Variants in SLAIN1 observed in about 807,000 individuals in gnomAD.
SLAIN1 encodes the protein SLAIN motif-containing protein 1.
In SLAIN1, 17 loss-of-function variants were observed where a neutral mutation model predicts 55.4. The ratio of observed to expected loss-of-function variants is 0.31; its 90% CI spans 0.21 to 0.46. The LOEUF (loss-of-function observed/expected upper bound fraction) is 0.46, where lower values mean the gene tolerates loss of function less well. SLAIN1 is among the 20% of genes least tolerant of loss of function. The pLI, the probability that SLAIN1 is intolerant of heterozygous loss-of-function variation, is 1.00. For synonymous variants in SLAIN1, 348 were observed against 337.4 expected, an observed-to-expected ratio of 1.03 and a Z score of -0.35; for missense variants, 682 against 785.1, an observed-to-expected ratio of 0.87 and a Z score of 1.57.
chr13:77,760,045 G>T (rs573457993), intron 5 of SLAIN1, among the ~76,000 whole-genome samples: 1 of 152,190 alleles, frequency 6.6e-6, no homozygotes, highest in Non-Finnish European at 1.5e-5. Flanking sequence ...AGAAAACAGG[G>T]TATGTCCATG....
chr13:77,709,475 G>A (rs1278101637), intron 1 of SLAIN1, among the ~76,000 whole-genome samples: 1 of 152,122 alleles, frequency 6.6e-6, no homozygotes, highest in Admixed American at 6.5e-5. Flanking sequence ...TCACCAAGGT[G>A]GAAATGAAGG....
At position 77,744,417 on chromosome 13, in the gene SLAIN1, C is replaced by T. The variant is rs767977635; in HGVS notation, c.901C>T (p.Arg301Cys). 1.2e-6 allele frequency: 2 copies of T among 1,611,894 alleles called. No homozygotes were observed. The highest frequency in any genetic ancestry group is 1.7e-6 in the Non-Finnish European group (2 of 1,179,184). ...CCTCACTGATGTTCAGATCATGGCT[C>T]GTCTGCAAGAAGAAAGTATGTGTTC... ...QDLTDVQIMARLQEESLRQDY... is the reference protein window; with the variant it reads ...QDLTDVQIMACLQEESLRQDY... Residue 301 changes from arginine (R) to cysteine (C), a missense_variant, in exon 3 of 7, where the codon CGT becomes TGT. Arg to Cys is a radical substitution (Grantham distance 180, BLOSUM62 -3). This residue lies in a region of SLAIN1 where 37 missense variants were observed against 72.6 expected (regional missense o/e 0.51). Transcript: ENST00000418532.
intron 2 of SLAIN1, among the ~76,000 whole-genome samples, chr13:77,720,556 T>C (rs2091252271): frequency 6.6e-6 from 1 of 152,198 alleles, no homozygotes; most frequent in Non-Finnish European, 1.5e-5. Context: ...GACAAAGCAT[T>C]ATAGATAATG....
At chr13:77,709,099 C>T (rs367757407) in intron 1 of SLAIN1, among the ~76,000 whole-genome samples, 1 of 151,644 alleles carries the variant, frequency 6.6e-6, no homozygotes, top group African/African-American at 2.4e-5. Flanking sequence ...AAACACAGCA[C>T]GAGAACTTCA....
rs1385472273 is a variant in SLAIN1, at chr13:77,697,886, G to A, written c.-28G>A. Reference sequence around the variant, plus strand: ...GCCGGCGCGGCGGCGCGCACTCCCCGGCGGCCGCGGCGCCCTCGGGGCCCA... The same window carrying A: ...GCCGGCGCGGCGGCGCGCACTCCCCAGCGGCCGCGGCGCCCTCGGGGCCCA... On this transcript the variant is annotated 5_prime_UTR_variant, in exon 1 of 7. Coordinates refer to ENST00000418532, the MANE Select transcript of SLAIN1 (RefSeq NM_001242868.2). The A allele has an allele frequency of 3.0e-6, 4 of 1,320,640 alleles. No homozygotes were observed. The East Asian group carries it at 1.1e-4, about 36-fold the overall frequency. The allele number at this position is 1,320,640 out of a possible 1,614,324, so 81.8% of individuals were successfully genotyped here. A position where few individuals can be genotyped will look rare whatever the true frequency, so the allele number is the denominator to read the frequency against.
At chr13:77,749,355 A>G (rs560060768) in intron 4 of SLAIN1, among the ~76,000 whole-genome samples, 41 of 152,132 alleles carry the variant, frequency 2.7e-4, no homozygotes, top group Non-Finnish European at 4.1e-4. Flanking sequence ...AAATGACTCA[A>G]CTTGTAGAAT....
chr13:77,697,795 G>T lies in SLAIN1; in HGVS notation c.-119G>T, dbSNP rs1458959203. On this transcript the variant is annotated 5_prime_UTR_variant, in exon 1 of 7. Coordinates refer to ENST00000418532, the MANE Select transcript of SLAIN1 (RefSeq NM_001242868.2). ...CGAACCGCCGGCTCGGCCTCAGCCC[G>T]CGCGTGGTCGGCCCCCCAGGCCGGG... 3 of 1,083,904 alleles carry T rather than the reference G, an allele frequency of 2.8e-6. No individual in the cohort carries two copies. The African/African-American group carries it at 5.0e-5, about 18-fold the overall frequency. 67.1% of individuals were successfully genotyped at this position (1,083,904 alleles called of 1,614,324 possible).
chr13:77,742,147 AG>A lies in SLAIN1; in HGVS notation c.767-2132del, dbSNP rs1157227771. 2.0e-5 allele frequency among the ~76,000 whole-genome samples: 3 copies of A among 151,786 alleles called. No individual in the cohort carries two copies. In the Middle Eastern group the frequency reaches 0.01, roughly 520 times the overall value. The stretch of plus-strand genomic sequence containing the variant: ...GAGATACAAGGGGTGGTAATTTTGG[AG>A]GGGAGAAGTACATTAATTAGACAAG... On this transcript the variant is annotated intron_variant, in intron 2 of 6. Transcript: ENST00000418532.
intron 4 of SLAIN1, among the ~76,000 whole-genome samples, chr13:77,751,848 A>G (rs1874234166): frequency 6.6e-6 from 1 of 152,134 alleles, no homozygotes; most frequent in South Asian, 2.1e-4. Flanking sequence ...TTGTCCTTGA[A>G]TTAGTTATGG....
chr13:77,708,544 A>T (rs1020091506), intron 1 of SLAIN1, among the ~76,000 whole-genome samples: 2 of 152,202 alleles, frequency 1.3e-5, no homozygotes, highest in Admixed American at 1.3e-4. Flanking sequence ...CCCCTCTGGA[A>T]CAAAGCTTCC....
At chr13:77,725,968 G>A (rs2091303660) in intron 2 of SLAIN1, among the ~76,000 whole-genome samples, 1 of 152,156 alleles carries the variant, frequency 6.6e-6, no homozygotes, top group South Asian at 2.1e-4. Flanking sequence ...CAGGGCCCAG[G>A]CCTATTTCTC....
intron 2 of SLAIN1, chr13:77,741,169 C>T: frequency 1.0e-6 from 1 of 985,338 alleles, no homozygotes; most frequent in Non-Finnish European, 1.2e-6. Context: ...TGTAATTTGC[C>T]TGGCAAGTGA....
chr13:77,721,996 GTTTT>G (rs11431197), intron 2 of SLAIN1, among the ~76,000 whole-genome samples: 1 of 145,198 alleles, frequency 6.9e-6, no homozygotes, highest in Non-Finnish European at 1.5e-5. Context: ...ATAAGGTTAG[GTTTT>G]TTTTTCTTTT....
chr13:77,698,341 C>A lies in SLAIN1; in HGVS notation c.428C>A (p.Pro143His). The A allele has an allele frequency of 6.9e-7, 1 of 1,448,106 alleles. No individual in the cohort carries two copies. Among genetic ancestry groups the A allele is most frequent in the Non-Finnish European group, 9.1e-7 (1 of 1,102,474 alleles). 89.7% of individuals were successfully genotyped at this position (1,448,106 alleles called of 1,614,324 possible). Residue 143 changes from proline to histidine, a missense_variant, in exon 1 of 7, where the codon CCC becomes CAC. By Grantham distance (77) the Pro-to-His change is moderately conservative. This residue lies in a region of SLAIN1 where 401 missense variants were observed against 417.3 expected (regional missense o/e 0.96). Transcript: ENST00000418532. The surrounding 1 kb of genome is among the most constrained non-coding windows in gnomAD (Gnocchi z 4.1). ...CTGCTTTGCAGCCTGGCGCAGCCAC[C>A]CGAGGCGCCCTTCGTCTACTTCAAG... ...PSLLCSLAQP[P>H]EAPFVYFKPA...
intron 2 of SLAIN1, among the ~76,000 whole-genome samples, chr13:77,734,515 T>C (rs899565252): frequency 6.6e-6 from 1 of 152,126 alleles, no homozygotes; most frequent in Non-Finnish European, 1.5e-5. Context: ...GACCAAGCTT[T>C]TGAAGGTCAG....
Position 77,697,883 on chromosome 13 carries a change from C to G in SLAIN1, c.-31C>G. On this transcript the variant is annotated 5_prime_UTR_variant, in exon 1 of 7. Coordinates refer to ENST00000418532, the MANE Select transcript of SLAIN1 (RefSeq NM_001242868.2). ...GGAGCCGGCGCGGCGGCGCGCACTC[C>G]CCGGCGGCCGCGGCGCCCTCGGGGC... 2 of 1,325,122 alleles carry G rather than the reference C, an allele frequency of 1.5e-6. No individual in the cohort carries two copies. The highest frequency in any genetic ancestry group is 1.7e-5 in the South Asian group (1 of 58,884). The allele number at this position is 1,325,122 out of a possible 1,614,324, so 82.1% of individuals were successfully genotyped here.
At chr13:77,756,977 G>A (rs1287006947) in intron 5 of SLAIN1, among the ~76,000 whole-genome samples, 2 of 152,098 alleles carry the variant, frequency 1.3e-5, no homozygotes, top group Non-Finnish European at 2.9e-5. Flanking sequence ...TATGCACTTT[G>A]AAAATTCACT....
intron 2 of SLAIN1, among the ~76,000 whole-genome samples, chr13:77,738,421 G>A (rs1873247259): frequency 6.6e-6 from 1 of 152,000 alleles, no homozygotes; most frequent in South Asian, 2.1e-4. Context: ...ACAAAACCAT[G>A]ACTTATTTAG....
chr13:77,722,460 AT>A (rs2091271020), intron 2 of SLAIN1, among the ~76,000 whole-genome samples: 1 of 152,066 alleles, frequency 6.6e-6, no homozygotes, highest in African/African-American at 2.4e-5. Flanking sequence ...TGCCCTTTTT[AT>A]TTCCCAGATA....
Sources: gnomAD v4.1 joint callset for allele counts (sites outside exome capture counted in the v4.1 genomes callset) on GRCh38, gnomAD v4.1.1 for gene constraint, gnomAD v4.1.1 regional missense constraint, Gnocchi (gnomAD v3.1) non-coding constraint, MANE v1.5 for transcripts, NCBI Gene and HGNC (gene_info 2026-07-23, HGNC 2026-07-21) for gene names.